Variants in VMP1 observed in about 807,000 individuals in gnomAD.
VMP1 encodes vacuole membrane protein 1.
A neutral mutation model predicts 56.0 loss-of-function variants in VMP1; 11 were observed. The observed-to-expected ratio is 0.20, with a 90% CI of 0.12 to 0.32. VMP1 has a LOEUF of 0.32. Among genes scored for constraint, VMP1 ranks in the 10% least tolerant of loss-of-function variants. The probability of loss-of-function intolerance (pLI) is 1.00; values close to 1 mark genes in which losing one functional copy is unlikely to be tolerated. For synonymous variants in VMP1, 149 were observed against 165.0 expected (o/e 0.90, Z 0.74); for missense variants, 296 against 490.3 (o/e 0.60, Z 3.74).
intron 7 of VMP1, among the ~76,000 whole-genome samples, chr17:59,805,982 G>A (rs547966419): frequency 8.5e-5 from 13 of 152,136 alleles, no homozygotes; most frequent in African/African-American, 2.9e-4. Context: ...TGTAAAGGAA[G>A]GCATTTTCCT....
At chr17:59,763,607 T>A (rs950418704) in intron 5 of VMP1, among the ~76,000 whole-genome samples, 1 of 152,166 alleles carries the variant, frequency 6.6e-6, no homozygotes, top group Non-Finnish European at 1.5e-5. Flanking sequence ...TGTGAACAAC[T>A]TTGTATATTA....
In VMP1 at chr17:59,778,263, C is replaced by T. The variant is rs370277825; in HGVS notation, c.714+4378C>T. ...TATATAAGAATAAGGCACTTAAGGC[C>T]GGGCGCAGTGGCTCAGCCTGTAATC... On this transcript the variant is annotated intron_variant, in intron 7 of 11. Transcript: ENST00000262291. 2.0e-3 allele frequency among the ~76,000 whole-genome samples: 303 copies of T among 152,076 alleles called. 9 individuals carry two copies. In the South Asian group the frequency reaches 0.058, roughly 29 times the overall value.
chr17:59,833,209 C>A (rs1391876204), intron 10 of VMP1, among the ~76,000 whole-genome samples: 1 of 151,854 alleles, frequency 6.6e-6, no homozygotes, highest in Non-Finnish European at 1.5e-5. Flanking sequence ...TTAGAGCTGG[C>A]ATTATTGTTT....
chr17:59,728,215 G>A (rs1473537280), intron 1 of VMP1, among the ~76,000 whole-genome samples: 1 of 152,086 alleles, frequency 6.6e-6, no homozygotes, highest in Admixed American at 6.5e-5. Context: ...ACAATAGTTA[G>A]AGTTTAGACA....
intron 6 of VMP1, among the ~76,000 whole-genome samples, chr17:59,767,960 A>T (rs2777886): frequency 6.6e-6 from 1 of 150,808 alleles, no homozygotes; most frequent in Non-Finnish European, 1.5e-5. Flanking sequence ...AATACAAAAA[A>T]TTAGCTGGGC....
chr17:59,752,319 C>A (rs2035684656), intron 5 of VMP1, among the ~76,000 whole-genome samples: 1 of 151,904 alleles, frequency 6.6e-6, no homozygotes, highest in African/African-American at 2.4e-5. Flanking sequence ...AGTTTGTTAA[C>A]CCCTGCTCCA....
intron 1 of VMP1, among the ~76,000 whole-genome samples, chr17:59,717,043 G>A (rs1265120874): frequency 6.6e-6 from 1 of 151,350 alleles, no homozygotes; most frequent in Non-Finnish European, 1.5e-5. Context: ...ACAGCGTTGC[G>A]ATCTCGGCTT....
chr17:59,812,224 A>G (rs539700243), intron 9 of VMP1, among the ~76,000 whole-genome samples: 2 of 152,154 alleles, frequency 1.3e-5, no homozygotes, highest in Non-Finnish European at 2.9e-5. Context: ...CACATACTCT[A>G]TATATATAGA....
At chr17:59,779,584 AAGATTG>A (rs1208404562) in intron 7 of VMP1, among the ~76,000 whole-genome samples, 4 of 152,152 alleles carry the variant, frequency 2.6e-5, no homozygotes, top group Admixed American at 1.3e-4. Flanking sequence ...AACTTCATCA[AAGATTG>A]AGTTCTCATT....
chr17:59,710,900 G>A (rs2033898234), intron 1 of VMP1, among the ~76,000 whole-genome samples: 1 of 152,050 alleles, frequency 6.6e-6, no homozygotes. Flanking sequence ...GTGAAACCCG[G>A]TGTCTACAAA....
chr17:59,824,771 G>A (rs1000895225), intron 10 of VMP1, among the ~76,000 whole-genome samples: 2 of 150,942 alleles, frequency 1.3e-5, no homozygotes, highest in Non-Finnish European at 2.9e-5. Flanking sequence ...TACTCAAGAG[G>A]CTGAGGTGGG....
intron 1 of VMP1, among the ~76,000 whole-genome samples, chr17:59,718,181 C>T (rs2143728350): frequency 7.0e-6 from 1 of 142,546 alleles, no homozygotes; most frequent in Middle Eastern, 3.6e-3. Flanking sequence ...CCTTCCCTCC[C>T]TCCTTTTTTT....
At chr17:59,770,206 A>G (rs1306659894) in intron 6 of VMP1, among the ~76,000 whole-genome samples, 2 of 152,156 alleles carry the variant, frequency 1.3e-5, no homozygotes, top group East Asian at 1.9e-4. Context: ...CAATCACATG[A>G]TTGCTTTAAG....
chr17:59,772,089 C>G lies in VMP1; in HGVS notation c.583-1665C>G, dbSNP rs146509461. On this transcript the variant is annotated intron_variant, in intron 6 of 11. Coordinates refer to ENST00000262291, the MANE Select transcript of VMP1 (RefSeq NM_030938.5). ...TGCTGCAACCTCTACCTCCCAGGTT[C>G]AAGCAGTTCTCATGCCTCAGCCTCC... is the stretch of plus-strand genomic sequence containing the variant. 7.6e-4 allele frequency among the ~76,000 whole-genome samples: 115 copies of G among 151,814 alleles called. No individual in the cohort carries two copies. The Middle Eastern group carries it at 0.014, about 18-fold the overall frequency.
intron 9 of VMP1, among the ~76,000 whole-genome samples, chr17:59,812,551 A>G (rs1234284312): frequency 6.6e-6 from 1 of 152,228 alleles, no homozygotes; most frequent in African/African-American, 2.4e-5. Context: ...CTAAGGGCAG[A>G]TCTCAATAGA....
chr17:59,719,985 C>T (rs1448025406), intron 1 of VMP1, among the ~76,000 whole-genome samples: 1 of 152,122 alleles, frequency 6.6e-6, no homozygotes, highest in Non-Finnish European at 1.5e-5. Flanking sequence ...TGCTTCTGCC[C>T]GGTTTGTGTT....
intron 6 of VMP1, among the ~76,000 whole-genome samples, chr17:59,772,491 G>A (rs942640158): frequency 1.3e-5 from 2 of 151,800 alleles, no homozygotes; most frequent in Non-Finnish European, 2.9e-5. Context: ...GAGCTTGGCT[G>A]GGCGTGGTGG....
intron 7 of VMP1, among the ~76,000 whole-genome samples, chr17:59,777,293 T>C (rs2036650556): frequency 6.6e-6 from 1 of 152,216 alleles, no homozygotes; most frequent in Non-Finnish European, 1.5e-5. Flanking sequence ...CATTCTAAAC[T>C]AGCATGTTCT....
intron 10 of VMP1, among the ~76,000 whole-genome samples, chr17:59,825,613 A>G (rs2038622260): frequency 6.6e-6 from 1 of 152,222 alleles, no homozygotes; most frequent in Non-Finnish European, 1.5e-5. Flanking sequence ...TCATGTTGCC[A>G]GGGTCTTATT....
Sources: allele counts gnomAD v4.1 joint callset (sites outside exome capture counted in the v4.1 genomes callset), GRCh38; gene constraint gnomAD v4.1.1; transcripts MANE v1.5; gene names NCBI Gene and HGNC (gene_info 2026-07-23, HGNC 2026-07-21).